Variants in YME1L1 observed in about 807,000 individuals in gnomAD.
YME1L1 encodes ATP-dependent zinc metalloprotease YME1L1.
YME1L1 carries 39 observed loss-of-function variants against 90.4 expected under a neutral mutation model. The observed-to-expected ratio is 0.43, with a 90% CI of 0.33 to 0.56. The LOEUF is 0.56. Ranked by LOEUF, YME1L1 falls within the 20% of genes least tolerant of loss-of-function variation. The pLI is 0.03. For synonymous variants in YME1L1, 284 were observed against 287.3 expected (o/e 0.99, Z 0.12); for missense variants, 617 against 868.4 (o/e 0.71, Z 3.64).
At chr10:27,126,065 T>C (rs949762923) in intron 9 of YME1L1, among the ~76,000 whole-genome samples, 2 of 152,290 alleles carry the variant, frequency 1.3e-5, no homozygotes, top group Non-Finnish European at 2.9e-5. Flanking sequence ...GTTTACAATT[T>C]ACTCTCAAAT....
chr10:27,152,807 T>C lies in YME1L1; in HGVS notation c.33+1371A>G, dbSNP rs1350181414. On this transcript the variant is annotated intron_variant, in intron 1 of 18. Transcript: ENST00000376016. Reference sequence around the variant, plus strand: ...CTTTCCATAACCACTGCAACAGCTTTAATTGGGGGGTGGGTGGGTATTTTT... The same window carrying C: ...CTTTCCATAACCACTGCAACAGCTTCAATTGGGGGGTGGGTGGGTATTTTT... 2.6e-5 allele frequency among the ~76,000 whole-genome samples: 4 copies of C among 152,130 alleles called. No homozygotes were observed. The South Asian group carries it at 6.2e-4, about 24-fold the overall frequency.
At chr10:27,140,167 T>C (rs570892658) in intron 4 of YME1L1, among the ~76,000 whole-genome samples, 48 of 151,970 alleles carry the variant, frequency 3.2e-4, no homozygotes, top group African/African-American at 1.1e-3. Context: ...ACCTGGCTAA[T>C]TTTGTATTTC....
intron 14 of YME1L1, among the ~76,000 whole-genome samples, chr10:27,118,512 G>T (rs1045876621): frequency 6.6e-6 from 1 of 151,788 alleles, no homozygotes; most frequent in African/African-American, 2.4e-5. Flanking sequence ...GAACTCCAAC[G>T]ATTCTGGGCT....
chr10:27,142,349 T>C, intron 4 of YME1L1, 38 bp downstream of exon 4: 1 of 1,175,046 alleles, frequency 8.5e-7, no homozygotes, highest in Non-Finnish European at 1.2e-6. Flanking sequence ...AGTAAATAAA[T>C]ATTTTTTTTT....
intron 2 of YME1L1, chr10:27,147,383 A>G: frequency 6.4e-7 from 1 of 1,564,584 alleles, no homozygotes; most frequent in Non-Finnish European, 8.8e-7. Flanking sequence ...ACTGGATGAG[A>G]GAGAAGGCTG....
chr10:27,154,116 C>CA, intron 1 of YME1L1, 62 bp downstream of exon 1: 5 of 1,552,996 alleles, frequency 3.2e-6, no homozygotes, highest in Non-Finnish European at 4.4e-6. Context: ...TCCACGAGCG[C>CA]AATTTGCAAA....
intron 4 of YME1L1, among the ~76,000 whole-genome samples, chr10:27,140,952 C>T (rs569840529): frequency 8.5e-5 from 13 of 152,292 alleles, no homozygotes; most frequent in Admixed American, 3.3e-4. Context: ...TAGCTAAAAA[C>T]GTATCAGCTG....
Position 27,122,830 on chromosome 10 carries a change from G to T in YME1L1, c.1235+11C>A. 6.2e-7 allele frequency: 1 copy of T among 1,612,258 alleles called. No individual in the cohort carries two copies. The highest frequency in any genetic ancestry group is 1.1e-5 in the South Asian group (1 of 90,814). ...ATCACCATATTCTAAGAAAAAAGAAGACTCAATTACCCATCCATTTCAGCA... is the reference window on the plus strand; with the variant it reads ...ATCACCATATTCTAAGAAAAAAGAATACTCAATTACCCATCCATTTCAGCA... On this transcript the variant is annotated intron_variant, in intron 11 of 18. Coordinates refer to ENST00000376016, the MANE Select transcript of YME1L1 (RefSeq NM_014263.4).
chr10:27,120,548 C>T lies in YME1L1; in HGVS notation c.1299-1G>A, dbSNP rs1449441794. The T allele has an allele frequency of 6.2e-7, 1 of 1,605,170 alleles. No homozygotes were observed. Among genetic ancestry groups the T allele is most frequent in the East Asian group, 2.2e-5 (1 of 44,752 alleles). ...AAAACGACCAGGACGTATTAAGGCA[C>T]TACAGGAAGAATGCAAAAGGAAAAT... is the stretch of plus-strand genomic sequence containing the variant. On this transcript the variant is annotated splice_acceptor_variant, in intron 12 of 18. Coordinates refer to ENST00000376016, the MANE Select transcript of YME1L1 (RefSeq NM_014263.4). LOFTEE classifies it high-confidence loss of function.
intron 1 of YME1L1, chr10:27,153,343 A>T: frequency 4.5e-6 from 2 of 448,458 alleles, no homozygotes; most frequent in South Asian, 3.2e-5. Flanking sequence ...AAAGGAACAC[A>T]ATCATATGCT....
intron 3 of YME1L1, among the ~76,000 whole-genome samples, 159 bp from the exon 4 acceptor site, chr10:27,142,644 G>C (rs2057101102): frequency 6.6e-6 from 1 of 152,152 alleles, no homozygotes; most frequent in Non-Finnish European, 1.5e-5. Flanking sequence ...AGTATCTAAA[G>C]CATCGCTAAT....
Position 27,116,312 on chromosome 10 carries a change from C to G in YME1L1, c.1753G>C (p.Glu585Gln). ...TGTGCAAGCAGCTGGGCTCTAGTTT[C>G]ATTCCATCTGTCATTCTCAGGTAAC... ...SLLPENDRWNETRAQLLAQMD... is the reference protein window; with the variant it reads ...SLLPENDRWNQTRAQLLAQMD... Residue 585 changes from glutamate to glutamine, a missense_variant, in exon 16 of 19, where the codon GAA becomes CAA. Physicochemically the swap from Glu to Gln is conservative, Grantham distance 29. Transcript: ENST00000376016. 1 of 1,614,136 alleles carries G rather than the reference C, an allele frequency of 6.2e-7. No homozygotes were observed. The highest frequency in any genetic ancestry group is 8.5e-7 in the Non-Finnish European group (1 of 1,180,030).
chr10:27,149,669 C>A (rs935857036), intron 1 of YME1L1, among the ~76,000 whole-genome samples: 1 of 138,922 alleles, frequency 7.2e-6, no homozygotes, highest in South Asian at 2.3e-4. Flanking sequence ...TGTGATCATG[C>A]CACTGCACTC....
chr10:27,150,235 T>A (rs990554870), intron 1 of YME1L1, among the ~76,000 whole-genome samples: 5 of 152,058 alleles, frequency 3.3e-5, no homozygotes, highest in Non-Finnish European at 7.4e-5. Context: ...ATTTGTTGAG[T>A]AAATGAATAC....
intron 1 of YME1L1, among the ~76,000 whole-genome samples, chr10:27,149,248 T>C (rs548254728): frequency 1.6e-4 from 25 of 152,128 alleles, no homozygotes; most frequent in Non-Finnish European, 1.5e-5. Flanking sequence ...AAATCAAAAG[T>C]ATCAAAAATA....
intron 4 of YME1L1, 132 bp downstream of exon 4, chr10:27,142,255 A>G (rs1425608138): frequency 7.6e-6 from 4 of 523,496 alleles, no homozygotes; most frequent in Non-Finnish European, 1.3e-5. Context: ...ACCCAAACTC[A>G]TTAATTCCAA....
chr10:27,143,709 A>AAAAAAG, intron 3 of YME1L1, among the ~76,000 whole-genome samples: 1 of 151,580 alleles, frequency 6.6e-6, no homozygotes, highest in East Asian at 1.9e-4. Flanking sequence ...TAAAAAAAAA[A>AAAAAAG]AAAAAAAGAT....
chr10:27,134,038 C>T lies in YME1L1; in HGVS notation c.775+1G>A. The T allele has an allele frequency of 6.2e-7, 1 of 1,604,868 alleles. No homozygotes were observed. The highest frequency in any genetic ancestry group is 8.5e-7 in the Non-Finnish European group (1 of 1,174,772). On this transcript the variant is annotated splice_donor_variant, in intron 7 of 18. Transcript: ENST00000376016. LOFTEE classifies it high-confidence loss of function. Reference sequence around the variant, plus strand: ...GTTAGACAAATAAAAAAAGCTTTTACCAGATAAAAATGGGTTTTTTAGAAG... The same window carrying T: ...GTTAGACAAATAAAAAAAGCTTTTATCAGATAAAAATGGGTTTTTTAGAAG...
chr10:27,139,495 A>G (rs728692), intron 4 of YME1L1, among the ~76,000 whole-genome samples: 15,181 of 152,062 alleles, frequency 0.1, 2,480 homozygotes, highest in African/African-American at 0.34. Flanking sequence ...AGTTTTACTA[A>G]CAGCAATCTC....
Sources: allele counts gnomAD v4.1 joint callset (sites outside exome capture counted in the v4.1 genomes callset), GRCh38; gene constraint gnomAD v4.1.1; transcripts MANE v1.5; gene names NCBI Gene and HGNC (gene_info 2026-07-23, HGNC 2026-07-21).